NREP: variants seen among roughly 807,000 people sequenced by gnomAD.
NREP encodes neuronal regeneration related protein, also known as neuronal regeneration-related protein.
A neutral mutation model predicts 8.6 loss-of-function variants in NREP; 5 were observed. That is an observed-to-expected ratio of 0.58 (90% confidence interval 0.30 to 1.22). The LOEUF (loss-of-function observed/expected upper bound fraction) is 1.22. NREP is among the 50% of genes most tolerant of loss of function. NREP has a pLI of 0.07. For missense variants in NREP, 86 were observed against 82.5 expected (o/e 1.04, Z -0.17); for synonymous variants, 27 against 28.0 (o/e 0.96, Z 0.11).
intron 2 of NREP, among the ~76,000 whole-genome samples, chr5:111,926,942 G>A (rs1338348895): frequency 6.6e-6 from 1 of 151,508 alleles, no homozygotes; most frequent in Non-Finnish European, 1.5e-5. Flanking sequence ...GAATAGTCAC[G>A]TTCACCTGTG....
intron 2 of NREP, among the ~76,000 whole-genome samples, chr5:111,754,355 T>C (rs80125823): frequency 0.046 from 7,051 of 152,226 alleles, 525 homozygotes; most frequent in African/African-American, 0.16. Context: ...GTAGGGTCCA[T>C]AGTCATATTT....
intron 2 of NREP, among the ~76,000 whole-genome samples, chr5:111,849,863 G>A (rs1753267478): frequency 6.6e-6 from 1 of 152,052 alleles, no homozygotes; most frequent in South Asian, 2.1e-4. Context: ...CCTTCCCGCA[G>A]TCTTGAATAA....
intron 2 of NREP, among the ~76,000 whole-genome samples, chr5:111,855,163 A>T (rs1753398383): frequency 6.6e-6 from 1 of 152,168 alleles, no homozygotes; most frequent in African/African-American, 2.4e-5. Context: ...GCCAAATTGT[A>T]CACCTATAAG....
chr5:111,945,828 G>A (rs1239900887), intron 2 of NREP, among the ~76,000 whole-genome samples: 2 of 151,922 alleles, frequency 1.3e-5, no homozygotes, highest in African/African-American at 4.8e-5. Flanking sequence ...AAAAAAGAGG[G>A]AAGGTGATCA....
intron 2 of NREP, among the ~76,000 whole-genome samples, chr5:111,869,985 T>G (rs1182351696): frequency 6.6e-6 from 1 of 152,180 alleles, no homozygotes; most frequent in South Asian, 2.1e-4. Flanking sequence ...TCAGCATAGA[T>G]AGTGTTATAT....
intron 2 of NREP, among the ~76,000 whole-genome samples, chr5:111,827,713 T>C (rs780284337): frequency 2.0e-5 from 3 of 151,998 alleles, no homozygotes; most frequent in Non-Finnish European, 4.4e-5. Flanking sequence ...TGTGGTGGTG[T>C]GCACCTGTAA....
Position 111,730,799 on chromosome 5 carries a change from G to C in NREP, c.*122C>G. ...GTCCACTGTAAATTCTCTAAAGCAAGGCTCAGAGTCCCATAGTTTCTTCTT... is the reference window on the plus strand; with the variant it reads ...GTCCACTGTAAATTCTCTAAAGCAACGCTCAGAGTCCCATAGTTTCTTCTT... On this transcript the variant is annotated 3_prime_UTR_variant, in exon 4 of 4. Coordinates refer to ENST00000257435, the MANE Select transcript of NREP (RefSeq NM_004772.4). 1 of 1,134,156 alleles carries C rather than the reference G, an allele frequency of 8.8e-7. No homozygotes were observed. Among genetic ancestry groups the C allele is most frequent in the Admixed American group, 2.3e-5 (1 of 43,162 alleles). 70.3% of individuals were successfully genotyped at this position (1,134,156 alleles called of 1,614,324 possible).
intron 2 of NREP, among the ~76,000 whole-genome samples, chr5:111,880,279 AT>A (rs1754018403): frequency 1.3e-5 from 2 of 152,212 alleles, no homozygotes; most frequent in Admixed American, 6.5e-5. Flanking sequence ...ATTTTTTAAA[AT>A]TAAAATGTGT....
chr5:111,849,746 G>A (rs987186718), intron 2 of NREP, among the ~76,000 whole-genome samples: 17 of 139,252 alleles, frequency 1.2e-4, no homozygotes, highest in African/African-American at 4.4e-4. Flanking sequence ...CTGCCCAGCT[G>A]AAATATACAT....
intron 2 of NREP, among the ~76,000 whole-genome samples, chr5:111,764,806 T>C (rs1751043101): frequency 6.6e-6 from 1 of 152,190 alleles, no homozygotes. Context: ...AGACATTAGA[T>C]GGTATGGTCC....
At chr5:111,746,891 T>G (rs17486567) in intron 2 of NREP, among the ~76,000 whole-genome samples, 7,152 of 152,230 alleles carry the variant, frequency 0.047, 215 homozygotes, top group Non-Finnish European at 0.062. Context: ...GTACATTCCC[T>G]GCACAGCATT....
At position 111,765,138 on chromosome 5, in the gene NREP, G is replaced by A. The variant is rs574075522; in HGVS notation, c.136-29631C>T. ...TGGAAGGTTGGGGGTATGGTTTTGG[G>A]AGAAAACTGTTCCACCTCAGATCAT... On this transcript the variant is annotated intron_variant, in intron 2 of 3. Coordinates refer to the NREP transcript ENST00000395634. Among the ~76,000 whole-genome samples, 6 of 152,244 alleles carry A rather than the reference G, an allele frequency of 3.9e-5. No homozygotes were observed. In the South Asian group the frequency reaches 1.2e-3, roughly 32 times the overall value.
At chr5:111,842,301 G>A (rs1753048360) in intron 2 of NREP, among the ~76,000 whole-genome samples, 1 of 152,120 alleles carries the variant, frequency 6.6e-6, no homozygotes, top group Non-Finnish European at 1.5e-5. Flanking sequence ...AATGTAGTTT[G>A]TAACTACATT....
intron 2 of NREP, among the ~76,000 whole-genome samples, chr5:111,951,413 C>G (rs1044215289): frequency 6.6e-6 from 1 of 151,942 alleles, no homozygotes; most frequent in Non-Finnish European, 1.5e-5. Context: ...CTAAATATGG[C>G]CCACCATCGG....
intron 2 of NREP, among the ~76,000 whole-genome samples, chr5:111,814,998 G>A (rs904371752): frequency 9.9e-5 from 15 of 151,540 alleles, no homozygotes; most frequent in African/African-American, 3.6e-4. Flanking sequence ...AGGAACTGGT[G>A]TAATAAAAAG....
intron 2 of NREP, among the ~76,000 whole-genome samples, chr5:111,952,605 C>G (rs1756191974): frequency 6.6e-6 from 1 of 152,198 alleles, no homozygotes; most frequent in Admixed American, 6.5e-5. Context: ...GAAAGAATCT[C>G]CTGTGTGGCA....
chr5:111,958,287 G>C (rs1055612366), intron 2 of NREP, among the ~76,000 whole-genome samples: 63 of 151,714 alleles, frequency 4.2e-4, no homozygotes, highest in African/African-American at 1.5e-3. Flanking sequence ...CATAAATAAA[G>C]CTAATTGTCT....
intron 2 of NREP, among the ~76,000 whole-genome samples, chr5:111,956,387 G>A (rs748033069): frequency 3.3e-5 from 5 of 151,990 alleles, no homozygotes; most frequent in Non-Finnish European, 7.4e-5. Context: ...CGACAGAGTT[G>A]TGAAATAGTA....
chr5:111,861,155 C>CA (rs758332461), intron 2 of NREP, among the ~76,000 whole-genome samples: 2 of 152,168 alleles, frequency 1.3e-5, no homozygotes, highest in Non-Finnish European at 2.9e-5. Context: ...ACCAGGAACT[C>CA]AGAGACCTCA....
Sources: gnomAD v4.1 joint callset for allele counts (sites outside exome capture counted in the v4.1 genomes callset) on GRCh38, gnomAD v4.1.1 for gene constraint, MANE v1.5 for transcripts, NCBI Gene and HGNC (gene_info 2026-07-23, HGNC 2026-07-21) for gene names.